Variants in EBF1 observed in about 807,000 individuals in gnomAD.
EBF1 encodes EBF transcription factor 1, also known as transcription factor COE1.
In EBF1, 10 loss-of-function variants were observed where a neutral mutation model predicts 68.4. The observed-to-expected ratio is 0.15, with a 90% CI of 0.09 to 0.25. The LOEUF (loss-of-function observed/expected upper bound fraction) is 0.25, where lower values mean the gene tolerates loss of function less well. Among genes scored for constraint, EBF1 ranks in the 10% least tolerant of loss-of-function variants. The pLI is 1.00. For synonymous variants in EBF1, 298 were observed against 299.8 expected, an observed-to-expected ratio of 0.99 and a Z score of 0.06; for missense variants, 509 against 794.4, an observed-to-expected ratio of 0.64 and a Z score of 4.32.
intron 6 of EBF1, among the ~76,000 whole-genome samples, chr5:158,900,393 A>C (rs571643760): frequency 6.6e-6 from 1 of 152,334 alleles, no homozygotes; most frequent in African/African-American, 2.4e-5. Flanking sequence ...TTTGATTAAC[A>C]CTAAAGGTAG....
chr5:158,849,423 T>A (rs1341375014), intron 6 of EBF1, among the ~76,000 whole-genome samples: 4 of 152,110 alleles, frequency 2.6e-5, no homozygotes, highest in African/African-American at 9.7e-5. Flanking sequence ...CAGCTTCCCA[T>A]CATCCCACTT....
intron 9 of EBF1, among the ~76,000 whole-genome samples, chr5:158,778,177 A>T (rs1443548634): frequency 6.6e-6 from 1 of 152,190 alleles, no homozygotes; most frequent in Non-Finnish European, 1.5e-5. Flanking sequence ...CTGGTCCATT[A>T]TGCAATGCCA....
intron 15 of EBF1, among the ~76,000 whole-genome samples, chr5:158,702,840 G>C (rs967490853): frequency 6.7e-6 from 1 of 149,776 alleles, no homozygotes; most frequent in Non-Finnish European, 1.5e-5. Flanking sequence ...GACTGAATAT[G>C]TGCATGGAAA....
At chr5:158,980,224 C>T (rs1354879199) in intron 6 of EBF1, among the ~76,000 whole-genome samples, 2 of 152,224 alleles carry the variant, frequency 1.3e-5, no homozygotes, top group African/African-American at 4.8e-5. Flanking sequence ...TCTCATATGT[C>T]AACAGAGAAG....
At chr5:158,937,726 G>C (rs894680011) in intron 6 of EBF1, among the ~76,000 whole-genome samples, 4 of 152,226 alleles carry the variant, frequency 2.6e-5, no homozygotes, top group African/African-American at 9.6e-5. Context: ...ACTGGACAAA[G>C]AGCTGAGAAA....
chr5:158,922,370 A>C (rs2127407843), intron 6 of EBF1, among the ~76,000 whole-genome samples: 1 of 152,306 alleles, frequency 6.6e-6, no homozygotes, highest in Middle Eastern at 3.4e-3. Flanking sequence ...CCCCCAGGTA[A>C]GTCCCTTTGA....
At chr5:158,753,833 A>G (rs1581599667) in intron 10 of EBF1, among the ~76,000 whole-genome samples, 1 of 152,258 alleles carries the variant, frequency 6.6e-6, no homozygotes, top group East Asian at 1.9e-4. Flanking sequence ...AAAAATGTTT[A>G]CTTTCAGACA....
At chr5:159,075,584 C>G (rs1001994258) in intron 5 of EBF1, among the ~76,000 whole-genome samples, 7 of 152,136 alleles carry the variant, frequency 4.6e-5, no homozygotes, top group Admixed American at 2.6e-4. Flanking sequence ...TCTCCTCCCC[C>G]ACTACACCAT....
chr5:159,000,692 T>A (rs900563099), intron 6 of EBF1, among the ~76,000 whole-genome samples: 1 of 152,148 alleles, frequency 6.6e-6, no homozygotes, highest in African/African-American at 2.4e-5. Flanking sequence ...TCTGATGAGA[T>A]CAATGGTGAT....
intron 9 of EBF1, among the ~76,000 whole-genome samples, chr5:158,783,400 T>C (rs981614885): frequency 6.6e-6 from 1 of 152,180 alleles, no homozygotes; most frequent in African/African-American, 2.4e-5. Context: ...TACCTCTAGA[T>C]GGTAGAGGTA....
intron 7 of EBF1, among the ~76,000 whole-genome samples, chr5:158,829,386 T>C (rs1786973180): frequency 6.6e-6 from 1 of 151,204 alleles, no homozygotes; most frequent in African/African-American, 2.4e-5. Context: ...GGTTTCACCA[T>C]GTTGCCCAGA....
chr5:158,875,316 T>C (rs1435513988), intron 6 of EBF1, among the ~76,000 whole-genome samples: 1 of 152,180 alleles, frequency 6.6e-6, no homozygotes, highest in Non-Finnish European at 1.5e-5. Context: ...TGCAGATAAT[T>C]CCAAGTGATT....
intron 10 of EBF1, among the ~76,000 whole-genome samples, chr5:158,775,830 TGC>T (rs1278519620): frequency 8.2e-6 from 1 of 121,236 alleles, no homozygotes; most frequent in Non-Finnish European, 1.7e-5. Flanking sequence ...ACACACACAC[TGC>T]TATGTGGAAG....
intron 6 of EBF1, among the ~76,000 whole-genome samples, chr5:158,867,811 C>A (rs2128050763): frequency 1.3e-5 from 2 of 152,290 alleles, no homozygotes; most frequent in South Asian, 4.1e-4. Context: ...AAAGGAACAA[C>A]ATTTGAAAAA....
intron 6 of EBF1, among the ~76,000 whole-genome samples, chr5:159,004,533 A>AGTAGGTAG (rs35066031): frequency 7.4e-4 from 112 of 150,544 alleles, no homozygotes; most frequent in African/African-American, 2.3e-3. Context: ...ACAGAGAGGT[A>AGTAGGTAG]GTAGGTAGGT....
chr5:158,805,959 G>GT lies in EBF1; in HGVS notation c.779-9485dup, dbSNP rs1034670150. Reference sequence around the variant, plus strand: ...AGATTTCTATGTTTTAAGGAGGCATGTTTTTTTTTGCTGGGGCAGGGGTAT... The same window carrying GT: ...AGATTTCTATGTTTTAAGGAGGCATGTTTTTTTTTTGCTGGGGCAGGGGTAT... On this transcript the variant is annotated intron_variant, in intron 8 of 15. Coordinates refer to ENST00000313708, the MANE Select transcript of EBF1 (RefSeq NM_024007.5). 6.5e-4 allele frequency among the ~76,000 whole-genome samples: 97 copies of GT among 149,688 alleles called. 2 individuals carry two copies. The South Asian group carries it at 0.012, about 19-fold the overall frequency.
chr5:158,740,334 T>C (rs954186356), intron 10 of EBF1, among the ~76,000 whole-genome samples: 5 of 152,142 alleles, frequency 3.3e-5, no homozygotes, highest in Admixed American at 2.0e-4. Flanking sequence ...TTGTGATTGT[T>C]AATATCATGG....
chr5:159,026,252 G>A (rs893905319), intron 6 of EBF1, among the ~76,000 whole-genome samples: 2 of 152,028 alleles, frequency 1.3e-5, no homozygotes, highest in East Asian at 1.9e-4. Context: ...CAGTATTTTG[G>A]TGAGTAGGCT....
chr5:159,043,954 A>C (rs567569057), intron 6 of EBF1, among the ~76,000 whole-genome samples: 1 of 152,322 alleles, frequency 6.6e-6, no homozygotes, highest in African/African-American at 2.4e-5. Flanking sequence ...CATAATTGTG[A>C]CCCTAATTCA....
Sources: gnomAD v4.1 joint callset for allele counts (sites outside exome capture counted in the v4.1 genomes callset) on GRCh38, gnomAD v4.1.1 for gene constraint, MANE v1.5 for transcripts, NCBI Gene and HGNC (gene_info 2026-07-23, HGNC 2026-07-21) for gene names.